The following KIRREL3 variants were observed in gnomAD, a reference collection of about 807,000 sequenced individuals.
The protein encoded by KIRREL3 is kirre like nephrin family adhesion molecule 3.
KIRREL3 carries 36 observed loss-of-function variants against 89.7 expected under a neutral mutation model. That is an observed-to-expected ratio of 0.40 (90% CI 0.31 to 0.53). The LOEUF is 0.53. KIRREL3 is among the 20% of genes least tolerant of loss of function. The probability of loss-of-function intolerance (pLI) is 0.49; values close to 1 mark genes in which losing one functional copy is unlikely to be tolerated. For synonymous variants in KIRREL3, 445 were observed against 441.4 expected (o/e 1.01, Z -0.10); for missense variants, 864 against 1,056.6 (o/e 0.82, Z 2.53).
chr11:126,533,538 T>G (rs1179355303), intron 2 of KIRREL3, among the ~76,000 whole-genome samples: 1 of 152,248 alleles, frequency 6.6e-6, no homozygotes, highest in Non-Finnish European at 1.5e-5. Context: ...CTGAAGCCTA[T>G]GTTCACCTTC....
At position 126,687,995 on chromosome 11, in the gene KIRREL3, C is replaced by A. The variant is rs554760839; in HGVS notation, c.56-125083G>T. 1.2e-4 allele frequency among the ~76,000 whole-genome samples: 19 copies of A among 152,358 alleles called. No individual in the cohort carries two copies. Among genetic ancestry groups the A allele is most frequent in the Non-Finnish European group, 2.5e-4 (17 of 68,038 alleles). ...TGCCAGTTAAATTTGAGAGAGAAAT[C>A]ATTTTATTTACGAAAATGTCAAGGG... On this transcript the variant is annotated intron_variant, in intron 1 of 16. Coordinates refer to ENST00000525144, the MANE Select transcript of KIRREL3 (RefSeq NM_032531.4). The surrounding 1 kb of genome is among the most constrained non-coding windows in gnomAD (Gnocchi z 4.6).
chr11:126,570,621 C>T lies in KIRREL3; in HGVS notation c.56-7709G>A, dbSNP rs1239357537. On this transcript the variant is annotated intron_variant, in intron 1 of 16. Transcript: ENST00000525144. The surrounding 1 kb of genome is among the most constrained non-coding windows in gnomAD (Gnocchi z 6.1). Reference sequence around the variant, plus strand: ...TGGTAAGCAGTGGCAGTGCCTAACACTGGGATAACCCTTTGCCAGCCCTGC... The same window carrying T: ...TGGTAAGCAGTGGCAGTGCCTAACATTGGGATAACCCTTTGCCAGCCCTGC... 6.6e-6 allele frequency among the ~76,000 whole-genome samples: 1 copy of T among 152,218 alleles called. No homozygotes were observed. The highest frequency in any genetic ancestry group is 1.5e-5 in the Non-Finnish European group (1 of 68,044).
intron 1 of KIRREL3, among the ~76,000 whole-genome samples, chr11:126,934,365 G>A (rs998299456): frequency 6.6e-6 from 1 of 151,992 alleles, no homozygotes; most frequent in African/African-American, 2.4e-5. Flanking sequence ...AATTTTAAAA[G>A]AAAATATAGT....
intron 4 of KIRREL3, among the ~76,000 whole-genome samples, chr11:126,487,228 C>A (rs553965754): frequency 6.6e-6 from 1 of 152,186 alleles, no homozygotes; most frequent in Non-Finnish European, 1.5e-5. Flanking sequence ...GCCAGCAGGG[C>A]AGGCAGGAGG....
At chr11:126,596,341 T>C (rs1942394361) in intron 1 of KIRREL3, among the ~76,000 whole-genome samples, 1 of 152,234 alleles carries the variant, frequency 6.6e-6, no homozygotes, top group Non-Finnish European at 1.5e-5. Context: ...AAGATCATCA[T>C]CTGCAGATAA....
chr11:126,599,825 C>G (rs1942568518), intron 1 of KIRREL3, among the ~76,000 whole-genome samples: 1 of 152,196 alleles, frequency 6.6e-6, no homozygotes, highest in Admixed American at 6.5e-5. Flanking sequence ...GACTTGACCC[C>G]AGCTGGTTTC....
At chr11:126,487,519 A>G (rs543234875) in intron 4 of KIRREL3, among the ~76,000 whole-genome samples, 10 of 152,210 alleles carry the variant, frequency 6.6e-5, no homozygotes, top group Non-Finnish European at 1.3e-4. Context: ...CTTTATGCAA[A>G]TTTACCAGAT....
Position 126,814,880 on chromosome 11 carries a change from G to A in KIRREL3, c.55+185575C>T, listed in dbSNP as rs187184178. 2.0e-5 allele frequency among the ~76,000 whole-genome samples: 3 copies of A among 152,256 alleles called. No homozygotes were observed. The highest frequency in any genetic ancestry group is 2.4e-5 in the African/African-American group (1 of 41,540). ...GGTGCAGCGAACCACCATGGCACACGTATCTATGTAACAAACCTGCACATC... is the reference window on the plus strand; with the variant it reads ...GGTGCAGCGAACCACCATGGCACACATATCTATGTAACAAACCTGCACATC... On this transcript the variant is annotated intron_variant, in intron 1 of 16. Transcript: ENST00000525144. The surrounding 1 kb of genome is among the most constrained non-coding windows in gnomAD (Gnocchi z 4.4).
At position 126,997,618 on chromosome 11, in the gene KIRREL3, T is replaced by A. The variant is rs1950212955; in HGVS notation, c.55+2837A>T. 6.6e-6 allele frequency among the ~76,000 whole-genome samples: 1 copy of A among 152,156 alleles called. No individual in the cohort carries two copies. Among genetic ancestry groups the A allele is most frequent in the Non-Finnish European group, 1.5e-5 (1 of 68,036 alleles). On this transcript the variant is annotated intron_variant, in intron 1 of 16. Coordinates refer to ENST00000525144, the MANE Select transcript of KIRREL3 (RefSeq NM_032531.4). This position sits in a 1 kb window ranked among gnomAD's most constrained non-coding sequence, Gnocchi z 4.3. ...TCTGTTCTCTGTCTCTCTAAAAGGTTATAAGAAAAAGTAAAGGTAAACAAA... is the reference window on the plus strand; with the variant it reads ...TCTGTTCTCTGTCTCTCTAAAAGGTAATAAGAAAAAGTAAAGGTAAACAAA...
chr11:126,584,378 C>T (rs1291919006), intron 1 of KIRREL3, among the ~76,000 whole-genome samples: 1 of 152,240 alleles, frequency 6.6e-6, no homozygotes, highest in African/African-American at 2.4e-5. Flanking sequence ...CTTCTGCCTA[C>T]TCCTGGAACT....
intron 1 of KIRREL3, among the ~76,000 whole-genome samples, chr11:126,671,799 C>G (rs548342184): frequency 4.6e-5 from 7 of 152,308 alleles, no homozygotes; most frequent in African/African-American, 1.7e-4. Flanking sequence ...TATGGAGCAA[C>G]AGGAGCTCTC....
At chr11:126,444,271 G>T (rs895387712) in intron 10 of KIRREL3, among the ~76,000 whole-genome samples, 2 of 152,204 alleles carry the variant, frequency 1.3e-5, no homozygotes, top group African/African-American at 2.4e-5. Context: ...ACGGTGACAG[G>T]GCTCCCTGGC....
rs1052447628 is a variant in KIRREL3 at position 126,656,494 on chromosome 11, T to C, written c.56-93582A>G. On this transcript the variant is annotated intron_variant, in intron 1 of 16. Coordinates refer to ENST00000525144, the MANE Select transcript of KIRREL3 (RefSeq NM_032531.4). This position sits in a 1 kb window ranked among gnomAD's most constrained non-coding sequence, Gnocchi z 4.0. Reference sequence around the variant, plus strand: ...ATAAAATGAGACTTCACGTGGAATCTCAACATACAAAATTGGCATAAGTGG... The same window carrying C: ...ATAAAATGAGACTTCACGTGGAATCCCAACATACAAAATTGGCATAAGTGG... Among the ~76,000 whole-genome samples the C allele has an allele frequency of 6.6e-6, 1 of 152,174 alleles. No homozygotes were observed. The highest frequency in any genetic ancestry group is 2.4e-5 in the African/African-American group (1 of 41,444).
At chr11:126,450,688 G>C (rs542577736) in intron 7 of KIRREL3, among the ~76,000 whole-genome samples, 1 of 135,270 alleles carries the variant, frequency 7.4e-6, no homozygotes, top group East Asian at 2.4e-4. Flanking sequence ...TGCATGGTGC[G>C]TGTGTGGTGC....
At chr11:126,863,307 G>A (rs1436642017) in intron 1 of KIRREL3, among the ~76,000 whole-genome samples, 1 of 151,140 alleles carries the variant, frequency 6.6e-6, no homozygotes, top group Non-Finnish European at 1.5e-5. Flanking sequence ...AGGCCAAGCT[G>A]GGGTTCCAGA....
In KIRREL3 at chr11:126,811,282, C is replaced by T. The variant is rs1247173649; in HGVS notation, c.55+189173G>A. Among the ~76,000 whole-genome samples, 1 of 152,214 alleles carries T rather than the reference C, an allele frequency of 6.6e-6. No individual in the cohort carries two copies. The highest frequency in any genetic ancestry group is 1.5e-5 in the Non-Finnish European group (1 of 68,034). On this transcript the variant is annotated intron_variant, in intron 1 of 16. Transcript: ENST00000525144. This position sits in a 1 kb window ranked among gnomAD's most constrained non-coding sequence, Gnocchi z 4.3. The stretch of plus-strand genomic sequence containing the variant: ...CTTCCCACCCGCTTTCATCCTCTTT[C>T]TTCAGAGAGAACTTTGACCCAGAAC...
At position 126,523,477 on chromosome 11, in the gene KIRREL3, T is replaced by C. The variant is rs936645599; in HGVS notation, c.284-2013A>G. ...TGTGCAGCTGGGCCCTTCAGACTCA[T>C]GTCTTCATGGCTACCATCCTCATCA... is the stretch of plus-strand genomic sequence containing the variant. On this transcript the variant is annotated intron_variant, in intron 3 of 16. Coordinates refer to ENST00000525144, the MANE Select transcript of KIRREL3 (RefSeq NM_032531.4). The surrounding 1 kb of genome is among the most constrained non-coding windows in gnomAD (Gnocchi z 4.9). Among the ~76,000 whole-genome samples, 2 of 152,248 alleles carry C rather than the reference T, an allele frequency of 1.3e-5. No individual in the cohort carries two copies. The highest frequency in any genetic ancestry group is 1.9e-4 in the East Asian group (1 of 5,166).
chr11:126,442,870 T>A (rs1405643891), intron 10 of KIRREL3, among the ~76,000 whole-genome samples: 1 of 152,196 alleles, frequency 6.6e-6, no homozygotes, highest in Non-Finnish European at 1.5e-5. Context: ...CTCCAGCTTT[T>A]CTCTGCCTGG....
intron 4 of KIRREL3, among the ~76,000 whole-genome samples, chr11:126,509,721 C>A (rs1400571551): frequency 6.6e-6 from 1 of 152,168 alleles, no homozygotes; most frequent in Non-Finnish European, 1.5e-5. Flanking sequence ...TTGGGCCCAG[C>A]GTGGTAGCTC....
Sources: allele counts gnomAD v4.1 joint callset (sites outside exome capture counted in the v4.1 genomes callset), GRCh38; gene constraint gnomAD v4.1.1; non-coding constraint Gnocchi (gnomAD v3.1); transcripts MANE v1.5; gene names NCBI Gene and HGNC (gene_info 2026-07-23, HGNC 2026-07-21).